NPEPPS: variants seen among roughly 807,000 people sequenced by gnomAD.
NPEPPS encodes the protein aminopeptidase puromycin sensitive.
NPEPPS carries 14 observed loss-of-function variants against 115.5 expected under a neutral mutation model. That is an observed-to-expected ratio of 0.12 (90% CI 0.08 to 0.19). NPEPPS has a LOEUF of 0.19. Among genes scored for constraint, NPEPPS ranks in the 10% least tolerant of loss-of-function variants. The pLI is 1.00. For missense variants in NPEPPS, 523 were observed against 1,110.8 expected, an observed-to-expected ratio of 0.47 and a Z score of 7.52; for synonymous variants, 285 against 390.6, an observed-to-expected ratio of 0.73 and a Z score of 3.19.
Position 47,571,064 on chromosome 17 carries a change from T to A in NPEPPS, c.418+1570T>A, listed in dbSNP as rs187029791. On this transcript the variant is annotated intron_variant, in intron 3 of 22. Transcript: ENST00000322157. The stretch of plus-strand genomic sequence containing the variant: ...TATTTGTTCAACACTAAGGAAATGA[T>A]CAAGCCAGGAATGATATATATCTAT... Among the ~76,000 whole-genome samples the A allele has an allele frequency of 5.9e-3, 893 of 152,282 alleles. 5 individuals carry two copies. The highest frequency in any genetic ancestry group is 0.017 in the African/African-American group (719 of 41,556).
At chr17:47,562,046 A>C (rs774221001) in intron 2 of NPEPPS, among the ~76,000 whole-genome samples, 1 of 152,180 alleles carries the variant, frequency 6.6e-6, no homozygotes, top group Non-Finnish European at 1.5e-5. Flanking sequence ...GCACCCAGGG[A>C]GGGTATGAGA....
At chr17:47,535,148 C>T (rs1247566289) in intron 1 of NPEPPS, among the ~76,000 whole-genome samples, 2 of 138,978 alleles carry the variant, frequency 1.4e-5, no homozygotes, top group African/African-American at 5.6e-5. Context: ...GAGCCTGAGG[C>T]AGGAGAATGG....
rs182224286 is a variant in NPEPPS at position 47,532,548 on chromosome 17, G to A, written c.255+993G>A. Among the ~76,000 whole-genome samples, 190 of 151,828 alleles carry A rather than the reference G, an allele frequency of 1.3e-3. 1 individual carries two copies. The highest frequency in any genetic ancestry group is 4.3e-3 in the African/African-American group (180 of 41,400). Reference sequence around the variant, plus strand: ...GGGCCCCTGTAATCTCAGCTACTCGGGGGCTAAGGCAGGAGAATCACTTGA... The same window carrying A: ...GGGCCCCTGTAATCTCAGCTACTCGAGGGCTAAGGCAGGAGAATCACTTGA... On this transcript the variant is annotated intron_variant, in intron 1 of 22. Transcript: ENST00000322157.
chr17:47,570,622 T>A (rs1423260603), intron 3 of NPEPPS, among the ~76,000 whole-genome samples: 2 of 152,358 alleles, frequency 1.3e-5, no homozygotes, highest in East Asian at 3.9e-4. Context: ...CTTTCTGAGC[T>A]TAGTGTATGT....
chr17:47,552,750 A>T (rs1909736328), intron 2 of NPEPPS, among the ~76,000 whole-genome samples: 1 of 152,192 alleles, frequency 6.6e-6, no homozygotes, highest in Non-Finnish European at 1.5e-5. Flanking sequence ...CCTCCAGTTC[A>T]GGTTAGGTGC....
In NPEPPS at chr17:47,557,767, A is replaced by G. The variant is rs1448816671; in HGVS notation, c.341-11650A>G. On this transcript the variant is annotated intron_variant, in intron 2 of 22. Transcript: ENST00000322157. ...CTTTGTGAGAGTACCTGTAATGTTGACATACTATAAAGGGTACATATTAAA... is the reference window on the plus strand; with the variant it reads ...CTTTGTGAGAGTACCTGTAATGTTGGCATACTATAAAGGGTACATATTAAA... 1.3e-5 allele frequency among the ~76,000 whole-genome samples: 2 copies of G among 148,836 alleles called. 1 individual carries two copies. Among genetic ancestry groups the G allele is most frequent in the Non-Finnish European group, 3.0e-5 (2 of 66,768 alleles).
At chr17:47,619,851 T>G in intron 22 of NPEPPS, 67 bp downstream of exon 22, 1 of 1,226,486 alleles carries the variant, frequency 8.2e-7, no homozygotes, top group Non-Finnish European at 1.2e-6. Flanking sequence ...CTGGTTGTAA[T>G]TATAGTGTTG....
intron 1 of NPEPPS, 108 bp from the exon 2 acceptor site, chr17:47,545,801 C>G: frequency 1.4e-6 from 2 of 1,472,094 alleles, no homozygotes; most frequent in East Asian, 2.5e-5. Context: ...CTTTGCTTGG[C>G]CTCCCAAAGT....
intron 2 of NPEPPS, among the ~76,000 whole-genome samples, chr17:47,556,903 A>G (rs1490138704): frequency 3.9e-5 from 6 of 152,144 alleles, no homozygotes; most frequent in Non-Finnish European, 8.8e-5. Context: ...TGGTCTCCCA[A>G]AGTGCCGGGA....
At chr17:47,530,180 T>C (rs2143642522), upstream of NPEPPS, among the ~76,000 whole-genome samples, 1 of 146,962 alleles carries the variant, frequency 6.8e-6, no homozygotes, top group East Asian at 2.1e-4. Context: ...CCTAACCTTG[T>C]GATCCGCCCG....
At chr17:47,582,959 T>C in intron 5 of NPEPPS, 110 bp downstream of exon 5, 1 of 548,598 alleles carries the variant, frequency 1.8e-6, no homozygotes, top group Non-Finnish European at 3.2e-6. Context: ...TGGTATATTA[T>C]AGGAACATAA....
At chr17:47,548,446 A>G (rs891448467) in intron 2 of NPEPPS, 1 of 151,972 alleles carries the variant, frequency 6.6e-6, no homozygotes, top group Non-Finnish European at 1.5e-5. Context: ...TTTAAATTCG[A>G]TGTGTGGTTT....
chr17:47,531,245 C>G lies in NPEPPS; in HGVS notation c.-56C>G. On this transcript the variant is annotated 5_prime_UTR_variant, in exon 1 of 23. Transcript: ENST00000322157. ...CCTAGCGCTCCGGCTGGGTCTCTCC[C>G]CCGCCCCCCAGGCTCCCCCGGTCGC... 1 of 1,485,852 alleles carries G rather than the reference C, an allele frequency of 6.7e-7. No homozygotes were observed. Among genetic ancestry groups the G allele is most frequent in the Non-Finnish European group, 8.9e-7 (1 of 1,119,394 alleles). The allele number at this position is 1,485,852 out of a possible 1,614,324, so 92.0% of individuals were successfully genotyped here. A position where few individuals can be genotyped will look rare whatever the true frequency, so the allele number is the denominator to read the frequency against.
At chr17:47,582,039 T>A (rs1911912265) in intron 4 of NPEPPS, 1 of 152,258 alleles carries the variant, frequency 6.6e-6, no homozygotes, top group African/African-American at 2.4e-5. Context: ...TGGTTCCATT[T>A]TATTTACTAA....
chr17:47,596,188 T>G, intron 12 of NPEPPS, 165 bp from the exon 13 acceptor site: 1 of 512,120 alleles, frequency 2.0e-6, no homozygotes, highest in Non-Finnish European at 3.5e-6. Context: ...ATTTACTTAG[T>G]TGCAGAAGAG....
intron 1 of NPEPPS, among the ~76,000 whole-genome samples, chr17:47,542,793 T>G (rs2143699132): frequency 6.6e-6 from 1 of 152,316 alleles, no homozygotes. Context: ...TTTGAAGTTT[T>G]GTTTAAAACA....
rs60829784 is a variant in NPEPPS at position 47,615,073 on chromosome 17, C to CTTTTTTTTTT, written c.2295+1362_2295+1371dup. ...ATGTTGTAATAGGTTTACTTTCTTT[C>CTTTTTTTTTT]TTTTTTTTTTTTTTTTTTTTTTTGA... is the stretch of plus-strand genomic sequence containing the variant. On this transcript the variant is annotated intron_variant, in intron 19 of 22. Transcript: ENST00000322157. Among the ~76,000 whole-genome samples the CTTTTTTTTTT allele has an allele frequency of 2.2e-4, 27 of 122,466 alleles. 1 individual carries two copies. Among genetic ancestry groups the CTTTTTTTTTT allele is most frequent in the African/African-American group, 7.1e-4 (21 of 29,728 alleles). The allele number at this position is 122,466 out of a possible 152,430, so 80.3% of individuals were successfully genotyped here. A position where few individuals can be genotyped will look rare whatever the true frequency, so the allele number is the denominator to read the frequency against.
At chr17:47,544,947 C>A (rs867037064) in intron 1 of NPEPPS, among the ~76,000 whole-genome samples, 1 of 149,036 alleles carries the variant, frequency 6.7e-6, no homozygotes, top group Non-Finnish European at 1.5e-5. Flanking sequence ...TCAAGTGATC[C>A]GCCTGCCTCG....
intron 1 of NPEPPS, among the ~76,000 whole-genome samples, chr17:47,534,988 T>C (rs1813590423): frequency 6.6e-6 from 1 of 151,736 alleles, no homozygotes; most frequent in South Asian, 2.1e-4. Context: ...CTCACACCTG[T>C]AATCCCAGCA....
Sources: allele counts gnomAD v4.1 joint callset (sites outside exome capture counted in the v4.1 genomes callset), GRCh38; gene constraint gnomAD v4.1.1; transcripts MANE v1.5; gene names NCBI Gene and HGNC (gene_info 2026-07-23, HGNC 2026-07-21).